The following CMSS1 variants were observed in gnomAD, a reference collection of about 807,000 sequenced individuals.
The protein encoded by CMSS1 is protein CMSS1.
CMSS1 carries 33 observed loss-of-function variants against 43.5 expected under a neutral mutation model. The ratio of observed to expected loss-of-function variants is 0.76; its 90% confidence interval spans 0.57 to 1.01. The LOEUF is 1.01. CMSS1 is among the 50% of genes least tolerant of loss of function. CMSS1 has a pLI of 0.00. For missense variants in CMSS1, 313 were observed against 326.4 expected (o/e 0.96, Z 0.32); for synonymous variants, 115 against 117.2 (o/e 0.98, Z 0.12).
chr3:99,969,538 A>G (rs1220383132), intron 1 of CMSS1, among the ~76,000 whole-genome samples: 2 of 152,208 alleles, frequency 1.3e-5, no homozygotes, highest in Admixed American at 6.5e-5. Flanking sequence ...TAGTGAAAGA[A>G]TGGTTGAAGT....
At chr3:99,820,893 G>A (rs1435487563) in intron 1 of CMSS1, among the ~76,000 whole-genome samples, 4 of 152,202 alleles carry the variant, frequency 2.6e-5, no homozygotes, top group African/African-American at 9.7e-5. Flanking sequence ...AAAGATAGTT[G>A]TATTGGTGCT....
chr3:99,898,781 A>G (rs1287601850), intron 1 of CMSS1: 3 of 152,214 alleles, frequency 2.0e-5, no homozygotes, highest in Non-Finnish European at 4.4e-5. Flanking sequence ...AAAAAAAAAA[A>G]AAAAGTGCAT....
chr3:100,111,067 G>A (rs572572030), intron 1 of CMSS1, among the ~76,000 whole-genome samples: 13 of 152,018 alleles, frequency 8.6e-5, no homozygotes, highest in Admixed American at 3.9e-4. Context: ...AGCCCAGTTC[G>A]CCATATTCTA....
intron 1 of CMSS1, among the ~76,000 whole-genome samples, chr3:100,019,732 G>A (rs1407505837): frequency 8.5e-5 from 13 of 152,070 alleles, no homozygotes; most frequent in Non-Finnish European, 1.9e-4. Context: ...GTAAGACTGC[G>A]ATTCACATTC....
chr3:99,999,274 T>C (rs1709774522), intron 1 of CMSS1, among the ~76,000 whole-genome samples: 1 of 152,210 alleles, frequency 6.6e-6, no homozygotes, highest in Admixed American at 6.5e-5. Context: ...AGAGGGGCAC[T>C]GTCTCATAGC....
chr3:100,078,353 C>T (rs558040866), intron 1 of CMSS1, among the ~76,000 whole-genome samples: 11 of 152,222 alleles, frequency 7.2e-5, no homozygotes, highest in Non-Finnish European at 2.9e-5. Flanking sequence ...TTTTCTGTTA[C>T]AGTTCTTACA....
chr3:99,934,803 G>C (rs1707607333), intron 1 of CMSS1, among the ~76,000 whole-genome samples: 1 of 152,140 alleles, frequency 6.6e-6, no homozygotes, highest in Admixed American at 6.5e-5. Flanking sequence ...TTCATAAGTG[G>C]TAAAAAAAGG....
intron 1 of CMSS1, among the ~76,000 whole-genome samples, chr3:100,144,856 G>A (rs1447245151): frequency 6.6e-6 from 1 of 152,144 alleles, no homozygotes; most frequent in Admixed American, 6.5e-5. Context: ...CAGGGAGTTT[G>A]CTATTGAATT....
chr3:100,001,985 A>C (rs1013651968), intron 1 of CMSS1, among the ~76,000 whole-genome samples: 1 of 152,074 alleles, frequency 6.6e-6, no homozygotes, highest in Non-Finnish European at 1.5e-5. Flanking sequence ...ATCCCCCCCA[A>C]TTCTGAAGCT....
chr3:100,073,548 T>C (rs2065796328), intron 1 of CMSS1, among the ~76,000 whole-genome samples: 1 of 152,164 alleles, frequency 6.6e-6, no homozygotes, highest in South Asian at 2.1e-4. Flanking sequence ...CAAAAAGAAA[T>C]AAGGAACTTG....
At chr3:100,161,579 G>A (rs901828914) in intron 3 of CMSS1, among the ~76,000 whole-genome samples, 2 of 152,060 alleles carry the variant, frequency 1.3e-5, no homozygotes, top group Non-Finnish European at 2.9e-5. Context: ...GGGGTCAGGG[G>A]TGGGGAATGC....
intron 1 of CMSS1, among the ~76,000 whole-genome samples, chr3:99,944,413 C>T (rs1000129984): frequency 1.1e-4 from 16 of 152,196 alleles, no homozygotes; most frequent in African/African-American, 3.6e-4. Flanking sequence ...GATACTCACC[C>T]AGGCTGTCAC....
chr3:100,021,944 TGTGTGTGTGTGTGTGTGAGA>T (rs2107231280), intron 1 of CMSS1, among the ~76,000 whole-genome samples: 1 of 128,914 alleles, frequency 7.8e-6, no homozygotes, highest in South Asian at 2.9e-4. Flanking sequence ...TGTGTGTGTG[TGTGTGTGTGTGTGTGTGAGA>T]GAGAGAGAGA....
At chr3:99,962,561 G>GT (rs1382467922) in intron 1 of CMSS1, among the ~76,000 whole-genome samples, 1 of 152,140 alleles carries the variant, frequency 6.6e-6, no homozygotes, top group Admixed American at 6.5e-5. Flanking sequence ...AGATAATATT[G>GT]TTTTAACATT....
chr3:99,992,177 A>G (rs1372748751), intron 1 of CMSS1, among the ~76,000 whole-genome samples: 1 of 152,040 alleles, frequency 6.6e-6, no homozygotes, highest in Non-Finnish European at 1.5e-5. Flanking sequence ...CCCTTTGGAT[A>G]TATATCCCAG....
intron 1 of CMSS1, among the ~76,000 whole-genome samples, chr3:99,861,924 A>G (rs1944279294): frequency 6.6e-6 from 1 of 152,204 alleles, no homozygotes; most frequent in African/African-American, 2.4e-5. Context: ...TCATCTGTAG[A>G]ATGGGGATAA....
chr3:99,844,526 A>T (rs1021806068), intron 1 of CMSS1, among the ~76,000 whole-genome samples: 6 of 152,170 alleles, frequency 3.9e-5, no homozygotes, highest in African/African-American at 1.4e-4. Flanking sequence ...TTCAAAGGAG[A>T]CTCACTTTGT....
In CMSS1 at chr3:99,929,984, G is replaced by A. The variant is rs771245827; in HGVS notation, c.64+111941G>A. ...CCATACTGAGCTTCCAGCAAAGCCA[G>A]GTCCATTTTTTCAGCCTTTAAAATG... On this transcript the variant is annotated intron_variant, in intron 1 of 9. Coordinates refer to ENST00000421999, the MANE Select transcript of CMSS1 (RefSeq NM_032359.4). 17 of 1,613,890 alleles carry A rather than the reference G, an allele frequency of 1.1e-5. No individual in the cohort carries two copies. The South Asian group carries it at 1.5e-4, about 15-fold the overall frequency.
intron 1 of CMSS1, among the ~76,000 whole-genome samples, chr3:100,020,540 T>C (rs2064792239): frequency 6.6e-6 from 1 of 152,168 alleles, no homozygotes; most frequent in African/African-American, 2.4e-5. Flanking sequence ...GCTTTGGCCA[T>C]TCTGTTTTGA....
Sources: gnomAD v4.1 joint callset for allele counts (sites outside exome capture counted in the v4.1 genomes callset) on GRCh38, gnomAD v4.1.1 for gene constraint, MANE v1.5 for transcripts, NCBI Gene and HGNC (gene_info 2026-07-23, HGNC 2026-07-21) for gene names.